Variants in VAPB observed in about 807,000 individuals in gnomAD.
VAPB encodes the protein vesicle-associated membrane protein-associated protein B/C.
Under a neutral mutation model 25.6 loss-of-function variants are expected in VAPB, and 7 were observed. That is an observed-to-expected ratio of 0.27 (90% CI 0.16 to 0.51). VAPB has a LOEUF of 0.51. Among genes scored for constraint, VAPB ranks in the 20% least tolerant of loss-of-function variants. The pLI, the probability that VAPB is intolerant of heterozygous loss-of-function variation, is 0.97. For synonymous variants in VAPB, 112 were observed against 109.2 expected (o/e 1.03, Z -0.16); for missense variants, 266 against 301.3 (o/e 0.88, Z 0.87).
At position 58,448,287 on chromosome 20, in the gene VAPB, C is replaced by A. The variant is rs76295834; in HGVS notation, c.*4052C>A. The A allele has an allele frequency of 1.8e-5, 8 of 453,612 alleles. No homozygotes were observed. The highest frequency in any genetic ancestry group is 1.4e-3 in the Middle Eastern group (2 of 1,466). The allele number at this position is 453,612 out of a possible 1,614,324, so 28.1% of individuals were successfully genotyped here. On this transcript the variant is annotated 3_prime_UTR_variant, in exon 6 of 6. Transcript: ENST00000475243. ...CAGCTCTGAGATCATGCTGGCCCTA[C>A]GCGAATTGAGTTTCTGTGGCCTAAT...
intron 1 of VAPB, among the ~76,000 whole-genome samples, chr20:58,414,700 A>G: frequency 6.6e-6 from 1 of 150,720 alleles, no homozygotes; most frequent in Non-Finnish European, 1.5e-5. Context: ...CACCTCCTAG[A>G]TGGGATGGCG....
rs1214900600 is a variant in VAPB at position 58,449,571 on chromosome 20, C to A, written c.*5336C>A. On this transcript the variant is annotated 3_prime_UTR_variant, in exon 6 of 6. Coordinates refer to ENST00000475243, the MANE Select transcript of VAPB (RefSeq NM_004738.5). Reference sequence around the variant, plus strand: ...GCCATAAATATTTGCAGTTATGATACCTTGGAATGTTGCCACGATATGGAT... The same window carrying A: ...GCCATAAATATTTGCAGTTATGATAACTTGGAATGTTGCCACGATATGGAT... The A allele has an allele frequency of 2.2e-6, 1 of 453,952 alleles. No homozygotes were observed. Among genetic ancestry groups the A allele is most frequent in the South Asian group, 1.6e-5 (1 of 64,468 alleles). The allele number at this position is 453,952 out of a possible 1,614,324, so 28.1% of individuals were successfully genotyped here. A position where few individuals can be genotyped will look rare whatever the true frequency, so the allele number is the denominator to read the frequency against.
chr20:58,449,294 C>T lies in VAPB; in HGVS notation c.*5059C>T. 4.4e-6 allele frequency: 2 copies of T among 451,750 alleles called. No homozygotes were observed. The highest frequency in any genetic ancestry group is 8.8e-6 in the Non-Finnish European group (2 of 226,170). 28.0% of individuals were successfully genotyped at this position (451,750 alleles called of 1,614,324 possible). On this transcript the variant is annotated 3_prime_UTR_variant, in exon 6 of 6. Transcript: ENST00000475243. ...CATGTTTTTGGCTGTATCTACGGCACTTAACAATAGGGGCTTTTTATTTTC... is the reference window on the plus strand; with the variant it reads ...CATGTTTTTGGCTGTATCTACGGCATTTAACAATAGGGGCTTTTTATTTTC...
rs1471673161 is a variant in VAPB, at chr20:58,407,681, C to T, written c.59-10530C>T. 2.0e-5 allele frequency among the ~76,000 whole-genome samples: 3 copies of T among 150,818 alleles called. No homozygotes were observed. In the South Asian group the frequency reaches 6.3e-4, roughly 31 times the overall value. ...TTTTTTTGTTTTTTTTTTAACTCCC[C>T]GGAGGAATTTAATGTGAACTATTTC... On this transcript the variant is annotated intron_variant, in intron 1 of 5. Transcript: ENST00000475243.
chr20:58,389,508 A>G lies in VAPB; in HGVS notation c.49A>G (p.Lys17Glu), dbSNP rs763843795. The G allele has an allele frequency of 3.8e-6, 6 of 1,590,692 alleles. No individual in the cohort carries two copies. The highest frequency in any genetic ancestry group is 4.3e-6 in the Non-Finnish European group (5 of 1,169,724). Residue 17 changes from lysine (K) to glutamate (E), a missense_variant, in exon 1 of 6, where the codon AAA becomes GAA. Physicochemically the swap from Lys to Glu is moderately conservative, Grantham distance 56. This residue lies in a region of VAPB where 32 missense variants were observed against 23.5 expected (regional missense o/e 1.36). Coordinates refer to ENST00000475243, the MANE Select transcript of VAPB (RefSeq NM_004738.5). ...VLSLEPQHEL[K>E]FRGPFTDVVT... is the part of the protein sequence containing the mutation. ...GAGCCTCGAGCCGCAGCACGAGCTC[A>G]AATTCCGAGGTAAGCCCCAGAGGCC...
At chr20:58,443,254 A>G (rs930491006) in intron 5 of VAPB, among the ~76,000 whole-genome samples, 3 of 152,210 alleles carry the variant, frequency 2.0e-5, no homozygotes, top group Non-Finnish European at 4.4e-5. Flanking sequence ...CATTAAGTAG[A>G]AAATATTTGA....
At position 58,389,229 on chromosome 20, in the gene VAPB, G is replaced by A. The variant is rs1181971112; in HGVS notation, c.-231G>A. 3 of 653,014 alleles carry A rather than the reference G, an allele frequency of 4.6e-6. No homozygotes were observed. Among genetic ancestry groups the A allele is most frequent in the Non-Finnish European group, 8.4e-6 (3 of 358,006 alleles). The allele number at this position is 653,014 out of a possible 1,614,324, so 40.5% of individuals were successfully genotyped here. A position where few individuals can be genotyped will look rare whatever the true frequency, so the allele number is the denominator to read the frequency against. On this transcript the variant is annotated 5_prime_UTR_variant, in exon 1 of 6. Transcript: ENST00000475243. The stretch of plus-strand genomic sequence containing the variant: ...ACTCTGCGTGCGTGCGTGCGTGCGT[G>A]CGTGCCGTCAGCTCGCCGGGCACCG...
intron 2 of VAPB, among the ~76,000 whole-genome samples, chr20:58,430,196 T>A (rs1207182889): frequency 6.6e-6 from 1 of 151,924 alleles, no homozygotes; most frequent in Non-Finnish European, 1.5e-5. Flanking sequence ...AAGTAACTTT[T>A]CAAAAAAATT....
intron 2 of VAPB, among the ~76,000 whole-genome samples, chr20:58,423,414 CAAAAAAAAAAAAAAAAA>C (rs59133081): frequency 6.9e-4 from 24 of 34,760 alleles, no homozygotes; most frequent in African/African-American, 1.8e-3. Context: ...CTCCATCTCA[CAAAAAAAAAAAAAAAAA>C]AAAAAAAAAA....
intron 2 of VAPB, among the ~76,000 whole-genome samples, chr20:58,430,295 A>G (rs1460910496): frequency 6.7e-6 from 1 of 149,922 alleles, no homozygotes; most frequent in Non-Finnish European, 1.5e-5. Flanking sequence ...GCTGTAATGC[A>G]GTGGCACAAT....
intron 1 of VAPB, among the ~76,000 whole-genome samples, chr20:58,405,110 A>G (rs1478412996): frequency 6.6e-6 from 1 of 152,208 alleles, no homozygotes; most frequent in African/African-American, 2.4e-5. Context: ...GAATGGATTC[A>G]ATTTTAAGTA....
chr20:58,397,945 G>A (rs1222030040), intron 1 of VAPB, among the ~76,000 whole-genome samples: 1 of 152,146 alleles, frequency 6.6e-6, no homozygotes, highest in Non-Finnish European at 1.5e-5. Context: ...CATACGAATT[G>A]GATCAGAAAG....
intron 1 of VAPB, among the ~76,000 whole-genome samples, chr20:58,408,374 A>G (rs1988284817): frequency 1.3e-5 from 2 of 152,244 alleles, no homozygotes; most frequent in South Asian, 2.1e-4. Context: ...TAAGAGCTAT[A>G]CAATCAGGCT....
chr20:58,390,379 GT>G (rs11475188), intron 1 of VAPB: 31,276 of 133,234 alleles, frequency 0.23, 3,842 homozygotes, highest in African/African-American at 0.37. Context: ...TGTTACTTTT[GT>G]TTTTTTTTTT....
chr20:58,414,621 AC>A (rs1301919992), intron 1 of VAPB, among the ~76,000 whole-genome samples: 1 of 149,688 alleles, frequency 6.7e-6, no homozygotes, highest in Non-Finnish European at 1.5e-5. Flanking sequence ...CACATCTCAG[AC>A]GATGGGCGGC....
In VAPB at chr20:58,444,554, A is replaced by G; in HGVS notation, c.*319A>G. ...TTTAAACATTGGTAGGCCTTGGTACATGATGCTGGATTACCTCTCTTAAAA... is the reference window on the plus strand; with the variant it reads ...TTTAAACATTGGTAGGCCTTGGTACGTGATGCTGGATTACCTCTCTTAAAA... On this transcript the variant is annotated 3_prime_UTR_variant, in exon 6 of 6. Coordinates refer to ENST00000475243, the MANE Select transcript of VAPB (RefSeq NM_004738.5). 1 of 484,296 alleles carries G rather than the reference A, an allele frequency of 2.1e-6. No homozygotes were observed. Among genetic ancestry groups the G allele is most frequent in the Non-Finnish European group, 4.0e-6 (1 of 246,992 alleles). The allele number at this position is 484,296 out of a possible 1,614,324, so 30.0% of individuals were successfully genotyped here.
intron 1 of VAPB, among the ~76,000 whole-genome samples, chr20:58,391,531 C>T (rs1987797329): frequency 6.6e-6 from 1 of 151,724 alleles, no homozygotes; most frequent in Non-Finnish European, 1.5e-5. Flanking sequence ...TGGGATGCCA[C>T]TAGTAGTTTT....
In VAPB at chr20:58,421,193, T is replaced by G. The variant is rs139559992; in HGVS notation, c.211+2830T>G. On this transcript the variant is annotated intron_variant, in intron 2 of 5. Transcript: ENST00000475243. Reference sequence around the variant, plus strand: ...CTATTAACCTTTCTAGGTTCTTGTTTTCTCACTTGTAAGGTAGGGAGAATA... The same window carrying G: ...CTATTAACCTTTCTAGGTTCTTGTTGTCTCACTTGTAAGGTAGGGAGAATA... Among the ~76,000 whole-genome samples the G allele has an allele frequency of 3.7e-4, 56 of 152,318 alleles. 1 individual carries two copies. The East Asian group carries it at 9.8e-3, about 27-fold the overall frequency.
chr20:58,404,130 C>T (rs570630934), intron 1 of VAPB, among the ~76,000 whole-genome samples: 2 of 152,270 alleles, frequency 1.3e-5, no homozygotes, highest in South Asian at 4.1e-4. Flanking sequence ...ATACTTTATA[C>T]AGTTTCCAGA....
Sources: gnomAD v4.1 joint callset for allele counts (sites outside exome capture counted in the v4.1 genomes callset) on GRCh38, gnomAD v4.1.1 for gene constraint, gnomAD v4.1.1 regional missense constraint, MANE v1.5 for transcripts, NCBI Gene and HGNC (gene_info 2026-07-23, HGNC 2026-07-21) for gene names.